The following PRKG2 variants were observed in gnomAD, a reference collection of about 807,000 sequenced individuals.
The protein encoded by PRKG2 is protein kinase cGMP-dependent 2.
PRKG2 carries 33 observed loss-of-function variants against 97.2 expected under a neutral mutation model. The ratio of observed to expected loss-of-function variants is 0.34; its 90% CI spans 0.26 to 0.45. The LOEUF (loss-of-function observed/expected upper bound fraction) is 0.45. PRKG2 is among the 20% of genes least tolerant of loss of function. PRKG2 has a pLI of 1.00. For synonymous variants in PRKG2, 330 were observed against 321.8 expected, an observed-to-expected ratio of 1.03 and a Z score of -0.27; for missense variants, 638 against 900.0, an observed-to-expected ratio of 0.71 and a Z score of 3.73.
At chr4:81,147,409 T>G (rs912110166) in intron 9 of PRKG2, among the ~76,000 whole-genome samples, 4 of 152,108 alleles carry the variant, frequency 2.6e-5, no homozygotes, top group African/African-American at 9.7e-5. Flanking sequence ...CATTTGAGAG[T>G]TGGCATCCAA....
chr4:81,162,734 T>C (rs72878886), intron 6 of PRKG2, among the ~76,000 whole-genome samples: 1,803 of 152,264 alleles, frequency 0.012, 26 homozygotes, highest in Middle Eastern at 0.041. Flanking sequence ...ATGACCCTTA[T>C]AGGATGATCC....
chr4:81,146,927 A>G (rs1005005801), intron 9 of PRKG2, among the ~76,000 whole-genome samples: 3 of 151,606 alleles, frequency 2.0e-5, no homozygotes, highest in Non-Finnish European at 4.4e-5. Context: ...TGATGTGTCA[A>G]TATTAAATAT....
intron 2 of PRKG2, among the ~76,000 whole-genome samples, chr4:81,185,685 T>C (rs918941038): frequency 1.3e-5 from 2 of 152,048 alleles, no homozygotes; most frequent in Non-Finnish European, 2.9e-5. Flanking sequence ...CTTGGCAAAC[T>C]GGATAGAGTC....
intron 2 of PRKG2, among the ~76,000 whole-genome samples, chr4:81,178,584 A>G (rs1411542606): frequency 6.6e-6 from 1 of 152,042 alleles, no homozygotes. Context: ...GACACGCAAA[A>G]GATCAGTTTG....
chr4:81,094,294 G>C (rs1420227980), intron 17 of PRKG2, among the ~76,000 whole-genome samples: 1 of 151,936 alleles, frequency 6.6e-6, no homozygotes, highest in East Asian at 1.9e-4. Context: ...AGAATGGACA[G>C]ATACATACAA....
intron 18 of PRKG2, among the ~76,000 whole-genome samples, 166 bp from the exon 19 acceptor site, chr4:81,089,969 GC>G (rs1432946188): frequency 2.6e-5 from 4 of 152,188 alleles, no homozygotes; most frequent in African/African-American, 9.7e-5. Flanking sequence ...CCTAGTCTCA[GC>G]CTCATGAGAT....
At chr4:81,131,375 T>A (rs913411194) in intron 14 of PRKG2, among the ~76,000 whole-genome samples, 2 of 152,214 alleles carry the variant, frequency 1.3e-5, no homozygotes, top group African/African-American at 4.8e-5. Flanking sequence ...CCTTCTGCAT[T>A]GATCTCGCTG....
Position 81,177,685 on chromosome 4 carries a change from G to C in PRKG2, c.462-2726C>G, listed in dbSNP as rs550992424. On this transcript the variant is annotated intron_variant, in intron 2 of 18. Transcript: ENST00000264399. ...ACTGCACTCCAGCCTGAGTGGCAGAGCAAGACTCCATCTCAAAAAAAAGAA... is the reference window on the plus strand; with the variant it reads ...ACTGCACTCCAGCCTGAGTGGCAGACCAAGACTCCATCTCAAAAAAAAGAA... Among the ~76,000 whole-genome samples, 3 of 152,178 alleles carry C rather than the reference G, an allele frequency of 2.0e-5. No homozygotes were observed. The East Asian group carries it at 5.8e-4, about 30-fold the overall frequency.
chr4:81,179,863 C>T (rs1045916845), intron 2 of PRKG2, among the ~76,000 whole-genome samples: 4 of 151,848 alleles, frequency 2.6e-5, no homozygotes, highest in South Asian at 4.2e-4. Context: ...AAGGATAGGC[C>T]GGGCGCAGTA....
At chr4:81,184,441 C>T (rs1208688592) in intron 2 of PRKG2, among the ~76,000 whole-genome samples, 1 of 152,156 alleles carries the variant, frequency 6.6e-6, no homozygotes, top group Non-Finnish European at 1.5e-5. Context: ...AAAGGAATAG[C>T]ATCAACATCA....
rs551085592 is a variant in PRKG2 at position 81,130,764 on chromosome 4, C to T, written c.1776+4391G>A. 2.2e-4 allele frequency among the ~76,000 whole-genome samples: 33 copies of T among 152,208 alleles called. No homozygotes were observed. The East Asian group carries it at 2.9e-3, about 13-fold the overall frequency. On this transcript the variant is annotated intron_variant, in intron 14 of 18. Coordinates refer to ENST00000264399, the MANE Select transcript of PRKG2 (RefSeq NM_006259.3). ...CTGCAGCAGCCTCCACCAACTTCCC[C>T]GCGGCTTTGTTTACACTGTAAGGGT...
intron 9 of PRKG2, among the ~76,000 whole-genome samples, chr4:81,145,699 A>G (rs1201511148): frequency 6.6e-6 from 1 of 152,132 alleles, no homozygotes; most frequent in Non-Finnish European, 1.5e-5. Flanking sequence ...TAACTCCAAC[A>G]ATCCATCTTG....
intron 2 of PRKG2, among the ~76,000 whole-genome samples, chr4:81,201,846 C>CA (rs147849714): frequency 2.0e-5 from 3 of 152,006 alleles, no homozygotes; most frequent in Non-Finnish European, 2.9e-5. Context: ...CTCTCTTAGA[C>CA]AAAAAAACTG....
intron 6 of PRKG2, among the ~76,000 whole-genome samples, chr4:81,157,663 T>C (rs997044310): frequency 2.6e-5 from 4 of 152,056 alleles, no homozygotes; most frequent in East Asian, 1.9e-4. Flanking sequence ...TTGAAGAACA[T>C]TGATGCAAAA....
At chr4:81,139,950 C>T (rs1383106639) in intron 12 of PRKG2, among the ~76,000 whole-genome samples, 3 of 151,940 alleles carry the variant, frequency 2.0e-5, no homozygotes, top group African/African-American at 4.8e-5. Flanking sequence ...AAACAAGAGC[C>T]GAGTACTACT....
In PRKG2 at chr4:81,110,518, T is replaced by A. The variant is rs776473582; in HGVS notation, c.1870A>T (p.Asn624Tyr). The A allele has an allele frequency of 6.2e-7, 1 of 1,613,912 alleles. No homozygotes were observed. The change falls in exon 15 of 19, where the codon AAC (asparagine) becomes TAC (tyrosine). Residue 624 changes from asparagine (N) to tyrosine (Y), a missense_variant. Physicochemically the swap from Asn to Tyr is moderately radical, Grantham distance 143. Coordinates refer to ENST00000264399, the MANE Select transcript of PRKG2 (RefSeq NM_006259.3). ...TCCACACTGAAGTCATGTCCCTTGTTGAGAATGACTTCAGGAGCTACATAT... is the reference window on the plus strand; with the variant it reads ...TCCACACTGAAGTCATGTCCCTTGTAGAGAATGACTTCAGGAGCTACATAT... The part of the protein sequence containing the change: ...PEYVAPEVIL[N>Y]KGHDFSVDFW...
intron 2 of PRKG2, among the ~76,000 whole-genome samples, chr4:81,200,738 T>A (rs566484763): frequency 1.3e-5 from 2 of 152,326 alleles, no homozygotes; most frequent in South Asian, 4.1e-4. Flanking sequence ...AAGGTTCCTA[T>A]GGCTCCAAGG....
At chr4:81,168,751 T>A (rs74666541) in intron 5 of PRKG2, among the ~76,000 whole-genome samples, 16,565 of 152,094 alleles carry the variant, frequency 0.11, 1,098 homozygotes, top group Middle Eastern at 0.21. Flanking sequence ...AGATTCTAGA[T>A]GAGAAATCTC....
chr4:81,162,637 G>T (rs1452852715), intron 6 of PRKG2, among the ~76,000 whole-genome samples: 4 of 152,072 alleles, frequency 2.6e-5, no homozygotes, highest in Non-Finnish European at 4.4e-5. Context: ...CTCATAGTTT[G>T]CTTACTCAAA....
Sources: gnomAD v4.1 joint callset for allele counts (sites outside exome capture counted in the v4.1 genomes callset) on GRCh38, gnomAD v4.1.1 for gene constraint, MANE v1.5 for transcripts, NCBI Gene and HGNC (gene_info 2026-07-23, HGNC 2026-07-21) for gene names.